The following DOCK4 variants were observed in gnomAD, a reference collection of about 807,000 sequenced individuals.
DOCK4 encodes dedicator of cytokinesis 4.
In DOCK4, 97 loss-of-function variants were observed where a neutral mutation model predicts 268.1. The ratio of observed to expected loss-of-function variants is 0.36; its 90% CI spans 0.31 to 0.43. The LOEUF (loss-of-function observed/expected upper bound fraction) is 0.43, where lower values mean the gene tolerates loss of function less well. Among genes scored for constraint, DOCK4 ranks in the 20% least tolerant of loss-of-function variants. The pLI is 1.00. For synonymous variants in DOCK4, 954 were observed against 887.2 expected (o/e 1.08, Z -1.34); for missense variants, 2,145 against 2,455.7 (o/e 0.87, Z 2.67).
intron 1 of DOCK4, among the ~76,000 whole-genome samples, chr7:112,028,314 T>C (rs1802985086): frequency 6.6e-6 from 1 of 152,156 alleles, no homozygotes; most frequent in Admixed American, 6.5e-5. Flanking sequence ...AGATAAGAAA[T>C]GGTTTCTTAT....
intron 1 of DOCK4, among the ~76,000 whole-genome samples, chr7:112,026,498 A>G (rs1181253522): frequency 1.3e-5 from 2 of 152,206 alleles, no homozygotes; most frequent in Non-Finnish European, 2.9e-5. Context: ...GGGCCAACAA[A>G]TAACAGCCTA....
chr7:111,868,298 C>G (rs1806139292), intron 21 of DOCK4, 144 bp from the exon 22 acceptor site: 1 of 546,400 alleles, frequency 1.8e-6, no homozygotes, highest in Non-Finnish European at 2.9e-6. Flanking sequence ...CTTTTTTGAA[C>G]AGTATTTACT....
At chr7:112,096,473 G>A (rs1366904946) in intron 1 of DOCK4, among the ~76,000 whole-genome samples, 2 of 152,114 alleles carry the variant, frequency 1.3e-5, no homozygotes, top group African/African-American at 4.8e-5. Context: ...ATGAGCCACT[G>A]TGCCAGGCCT....
At chr7:111,748,612 T>A (rs1215746097) in intron 42 of DOCK4, among the ~76,000 whole-genome samples, 2 of 152,144 alleles carry the variant, frequency 1.3e-5, no homozygotes, top group Non-Finnish European at 2.9e-5. Flanking sequence ...CAACAGCAGA[T>A]GAGAGTGAGA....
At chr7:111,974,974 C>G (rs771742339) in intron 8 of DOCK4, among the ~76,000 whole-genome samples, 3 of 152,142 alleles carry the variant, frequency 2.0e-5, no homozygotes, top group Non-Finnish European at 2.9e-5. Flanking sequence ...AAAACTTTAG[C>G]TTAACAGGCG....
At chr7:111,865,407 A>G (rs1001712118) in intron 22 of DOCK4, among the ~76,000 whole-genome samples, 1 of 152,236 alleles carries the variant, frequency 6.6e-6, no homozygotes, top group Admixed American at 6.5e-5. Context: ...GATGGCCTCT[A>G]GAAGACAGGG....
intron 27 of DOCK4, among the ~76,000 whole-genome samples, chr7:111,815,704 C>T (rs1029866640): frequency 1.5e-5 from 2 of 137,174 alleles, no homozygotes; most frequent in African/African-American, 5.3e-5. Context: ...GACGGAGTCT[C>T]CCTGTCACCC....
intron 1 of DOCK4, among the ~76,000 whole-genome samples, chr7:112,130,233 C>T (rs1293456073): frequency 6.6e-6 from 1 of 152,096 alleles, no homozygotes; most frequent in Non-Finnish European, 1.5e-5. Context: ...TGTGACAGTA[C>T]AGGTACCCGT....
intron 26 of DOCK4, among the ~76,000 whole-genome samples, chr7:111,834,353 G>A (rs1290924082): frequency 2.0e-5 from 3 of 152,110 alleles, no homozygotes; most frequent in Non-Finnish European, 4.4e-5. Context: ...TTGATGACAG[G>A]TACTTCACAT....
chr7:111,763,503 T>A (rs1797581294), intron 39 of DOCK4, among the ~76,000 whole-genome samples: 1 of 152,268 alleles, frequency 6.6e-6, no homozygotes, highest in African/African-American at 2.4e-5. Context: ...ATTTATTCTA[T>A]TTGCTAATGC....
Position 111,758,663 on chromosome 7 carries a change from T to C in DOCK4, c.4290A>G (p.Pro1430=). 1.2e-6 allele frequency: 2 copies of C among 1,614,014 alleles called. No individual in the cohort carries two copies. Among genetic ancestry groups the C allele is most frequent in the African/African-American group, 1.3e-5 (1 of 75,060 alleles). The change falls in exon 41 of 53, where the codon CCA becomes CCG. Residue 1430 remains proline (P), a synonymous_variant. Coordinates refer to ENST00000428084, the MANE Select transcript of DOCK4 (RefSeq NM_001363540.2). ...CTTTATCTTTTGTGCCTTTGTGAAA[T>C]GGTCGGTCATAGCGGAATTTCCAGA... ...NHIWKFRYDR[P]FHKGTKDKEN...
chr7:112,105,275 T>C (rs1175587050), intron 1 of DOCK4, among the ~76,000 whole-genome samples: 1 of 152,132 alleles, frequency 6.6e-6, no homozygotes, highest in South Asian at 2.1e-4. Context: ...ATAAAGAACA[T>C]AGGAATATGT....
intron 44 of DOCK4, among the ~76,000 whole-genome samples, chr7:111,744,763 C>A (rs1796154882): frequency 6.6e-6 from 1 of 152,188 alleles, no homozygotes. Flanking sequence ...TACAAACACC[C>A]AGAGTCACAT....
At chr7:111,778,217 G>T in intron 36 of DOCK4, 59 bp downstream of exon 36, 1 of 1,190,284 alleles carries the variant, frequency 8.4e-7, no homozygotes, top group Non-Finnish European at 1.2e-6. Context: ...AAAAGCGGAG[G>T]AATGATCATG....
Position 111,728,481 on chromosome 7 carries a change from C to G in DOCK4, c.5721G>C (p.Lys1907Asn). ...GGEEPVRKES[K>N]TPPPYSVYER... is the part of the protein sequence containing the mutation. The stretch of plus-strand genomic sequence containing the variant: ...CGTAGACGCTGTACGGGGGCGGAGT[C>G]TTGCTCTCCTTGCGCACTGGCTCCT... The change falls in exon 53 of 53, where the codon AAG becomes AAC. Residue 1907 changes from lysine (K) to asparagine (N), a missense_variant. Transcript: ENST00000428084. The G allele has an allele frequency of 6.2e-7, 1 of 1,612,560 alleles. No homozygotes were observed. The highest frequency in any genetic ancestry group is 8.5e-7 in the Non-Finnish European group (1 of 1,179,458).
At chr7:111,743,560 G>T (rs1246809866) in intron 44 of DOCK4, among the ~76,000 whole-genome samples, 1 of 152,182 alleles carries the variant, frequency 6.6e-6, no homozygotes, top group Non-Finnish European at 1.5e-5. Flanking sequence ...TCTAAACGCA[G>T]AGGCCCCCAG....
intron 16 of DOCK4, among the ~76,000 whole-genome samples, chr7:111,892,269 C>T (rs896823384): frequency 6.6e-6 from 1 of 152,152 alleles, no homozygotes; most frequent in Non-Finnish European, 1.5e-5. Flanking sequence ...GGCATGATCT[C>T]GGCTCACTGT....
chr7:111,965,109 C>A (rs1184585643), intron 8 of DOCK4, among the ~76,000 whole-genome samples: 109 of 91,280 alleles, frequency 1.2e-3, no homozygotes, highest in East Asian at 2.2e-3. Context: ...TCATGCCAAA[C>A]TGTAAAGACC....
At chr7:111,976,284 TATATATA>T (rs1798199499) in intron 8 of DOCK4, among the ~76,000 whole-genome samples, 1 of 47,528 alleles carries the variant, frequency 2.1e-5, no homozygotes, top group Non-Finnish European at 3.7e-5. Context: ...TATATATATA[TATATATA>T]TATATATATA....
Sources: gnomAD v4.1 joint callset for allele counts (sites outside exome capture counted in the v4.1 genomes callset) on GRCh38, gnomAD v4.1.1 for gene constraint, MANE v1.5 for transcripts, NCBI Gene and HGNC (gene_info 2026-07-23, HGNC 2026-07-21) for gene names.